LCLAT1: variants seen among roughly 807,000 people sequenced by gnomAD.
LCLAT1 encodes 1-AGP acyltransferase 8.
Under a neutral mutation model 30.7 loss-of-function variants are expected in LCLAT1, and 11 were observed. The ratio of observed to expected loss-of-function variants is 0.36; its 90% CI spans 0.23 to 0.59. The LOEUF is 0.59. Ranked by LOEUF, LCLAT1 falls within the 20% of genes least tolerant of loss-of-function variation. LCLAT1 has a pLI of 0.77. For synonymous variants in LCLAT1, 155 were observed against 151.3 expected (o/e 1.02, Z -0.18); for missense variants, 402 against 458.6 (o/e 0.88, Z 1.13).
chr2:30,511,793 G>A (rs562490869), intron 1 of LCLAT1, among the ~76,000 whole-genome samples: 3 of 152,294 alleles, frequency 2.0e-5, no homozygotes, highest in East Asian at 1.9e-4. Flanking sequence ...TTTATGCTGC[G>A]GTAGGAGAGG....
intron 5 of LCLAT1, among the ~76,000 whole-genome samples, chr2:30,590,136 CTG>C (rs1181693312): frequency 6.6e-6 from 1 of 152,040 alleles, no homozygotes; most frequent in African/African-American, 2.4e-5. Flanking sequence ...TTTTTAGAAT[CTG>C]TTATGTCCAT....
At chr2:30,493,122 G>A (rs752328617) in intron 1 of LCLAT1, among the ~76,000 whole-genome samples, 2 of 152,140 alleles carry the variant, frequency 1.3e-5, no homozygotes, top group Non-Finnish European at 2.9e-5. Context: ...GTAATGTCAG[G>A]CACACATGTG....
In LCLAT1 at chr2:30,640,262, C is replaced by G; in HGVS notation, c.774C>G (p.Ser258=). The G allele has an allele frequency of 6.2e-7, 1 of 1,614,152 alleles. No homozygotes were observed. The highest frequency in any genetic ancestry group is 2.2e-5 in the East Asian group (1 of 44,890). The change falls in exon 6 of 6, where the codon TCC becomes TCG. Residue 258 remains serine (S), a synonymous_variant. Coordinates refer to ENST00000379509, the MANE Select transcript of LCLAT1 (RefSeq NM_001002257.3). ...ATCCAATAGACACCCTCCCCACATC[C>G]AAGGAGGACCTTCAACTCTGGTGCC... ...HRYPIDTLPT[S]KEDLQLWCHK...
chr2:30,542,440 A>G (rs1664185317), intron 3 of LCLAT1, among the ~76,000 whole-genome samples: 1 of 151,958 alleles, frequency 6.6e-6, no homozygotes. Context: ...CCCACTATCC[A>G]CTCAACTAAC....
At chr2:30,477,546 A>T (rs773851400) in intron 1 of LCLAT1, among the ~76,000 whole-genome samples, 1 of 152,198 alleles carries the variant, frequency 6.6e-6, no homozygotes, top group Non-Finnish European at 1.5e-5. Context: ...CTGGTATACA[A>T]CTAAGTCACA....
chr2:30,598,502 A>T (rs1667032784), intron 5 of LCLAT1, among the ~76,000 whole-genome samples: 1 of 149,170 alleles, frequency 6.7e-6, no homozygotes, highest in Admixed American at 6.7e-5. Flanking sequence ...ATATCCCCTT[A>T]TCATTTTGTA....
chr2:30,492,909 A>G (rs1433260933), intron 1 of LCLAT1, among the ~76,000 whole-genome samples: 1 of 152,154 alleles, frequency 6.6e-6, no homozygotes, highest in Non-Finnish European at 1.5e-5. Context: ...TGTACTGTAA[A>G]TTTATACCCT....
At chr2:30,598,527 TTCTTC>T (rs763338870) in intron 5 of LCLAT1, among the ~76,000 whole-genome samples, 7 of 152,072 alleles carry the variant, frequency 4.6e-5, no homozygotes, top group African/African-American at 1.7e-4. Flanking sequence ...GTCTATTTGA[TTCTTC>T]TCTTTTTTCT....
intron 1 of LCLAT1, among the ~76,000 whole-genome samples, chr2:30,496,952 A>G (rs1202506462): frequency 6.6e-6 from 1 of 152,210 alleles, no homozygotes; most frequent in African/African-American, 2.4e-5. Flanking sequence ...GGAAGAGCAT[A>G]CAACTCTTGT....
At chr2:30,499,338 G>A (rs780883858) in intron 1 of LCLAT1, among the ~76,000 whole-genome samples, 12 of 152,064 alleles carry the variant, frequency 7.9e-5, no homozygotes, top group Non-Finnish European at 1.6e-4. Context: ...CCGCCATCAC[G>A]CCCAGCTAAT....
intron 1 of LCLAT1, among the ~76,000 whole-genome samples, chr2:30,470,969 A>C (rs1422133180): frequency 7.0e-6 from 1 of 142,116 alleles, no homozygotes; most frequent in Non-Finnish European, 1.5e-5. Flanking sequence ...GCTGGAGTGC[A>C]GTGGTGCGAT....
intron 3 of LCLAT1, among the ~76,000 whole-genome samples, chr2:30,544,106 G>C (rs949859086): frequency 6.6e-6 from 1 of 151,980 alleles, no homozygotes; most frequent in Admixed American, 6.6e-5. Flanking sequence ...ACTGCCTTTA[G>C]CCCGAGACTG....
chr2:30,497,620 G>A (rs1464308326), intron 1 of LCLAT1, among the ~76,000 whole-genome samples: 1 of 152,066 alleles, frequency 6.6e-6, no homozygotes, highest in African/African-American at 2.4e-5. Flanking sequence ...TAAGTTTAGT[G>A]ACTAGATTTC....
At chr2:30,488,559 T>C (rs1207939204) in intron 1 of LCLAT1, among the ~76,000 whole-genome samples, 1 of 152,248 alleles carries the variant, frequency 6.6e-6, no homozygotes, top group Non-Finnish European at 1.5e-5. Context: ...TGTCCCTAGC[T>C]CTTGCTTTTT....
At chr2:30,501,092 GTGTGTA>G (rs779065756) in intron 1 of LCLAT1, among the ~76,000 whole-genome samples, 3,757 of 141,266 alleles carry the variant, frequency 0.027, 81 homozygotes, top group Admixed American at 0.076. Context: ...GTGTGTGTGT[GTGTGTA>G]TGTGTGTGTG....
intron 1 of LCLAT1, among the ~76,000 whole-genome samples, chr2:30,479,205 A>G (rs548029614): frequency 3.3e-4 from 50 of 152,124 alleles, no homozygotes; most frequent in African/African-American, 1.2e-3. Flanking sequence ...GCAGTAGAGT[A>G]TATACTTGTT....
intron 1 of LCLAT1, among the ~76,000 whole-genome samples, chr2:30,497,410 C>A (rs935071733): frequency 6.6e-6 from 1 of 152,186 alleles, no homozygotes; most frequent in Non-Finnish European, 1.5e-5. Context: ...GGATAAAAAT[C>A]TTTTAGAGAA....
chr2:30,616,903 A>C (rs182266862), intron 5 of LCLAT1, among the ~76,000 whole-genome samples: 11 of 152,306 alleles, frequency 7.2e-5, no homozygotes. Flanking sequence ...AATGTTTTCT[A>C]ACATTTTGGT....
chr2:30,474,712 A>G (rs548496516), intron 1 of LCLAT1, among the ~76,000 whole-genome samples: 1 of 151,528 alleles, frequency 6.6e-6, no homozygotes, highest in South Asian at 2.1e-4. Flanking sequence ...GCAGTGGCAC[A>G]ATCCCAGCTC....
Sources: allele counts gnomAD v4.1 joint callset (sites outside exome capture counted in the v4.1 genomes callset), GRCh38; gene constraint gnomAD v4.1.1; transcripts MANE v1.5; gene names NCBI Gene and HGNC (gene_info 2026-07-23, HGNC 2026-07-21).